Variants in TRAPPC9 observed in about 807,000 individuals in gnomAD.
TRAPPC9 encodes the protein IKK2 binding protein.
Under a neutral mutation model 124.0 loss-of-function variants are expected in TRAPPC9, and 83 were observed. The ratio of observed to expected loss-of-function variants is 0.67; its 90% confidence interval spans 0.56 to 0.80. The LOEUF is 0.80. Among genes scored for constraint, TRAPPC9 ranks in the 30% least tolerant of loss-of-function variants. The probability of loss-of-function intolerance (pLI) is 0.00; values close to 1 mark genes in which losing one functional copy is unlikely to be tolerated. For missense variants in TRAPPC9, 1,302 were observed against 1,508.3 expected (o/e 0.86, Z 2.27); for synonymous variants, 638 against 617.5 (o/e 1.03, Z -0.49).
At chr8:139,842,135 T>G (rs1317044855) in intron 21 of TRAPPC9, among the ~76,000 whole-genome samples, 2 of 152,242 alleles carry the variant, frequency 1.3e-5, no homozygotes, top group Non-Finnish European at 2.9e-5. Context: ...TGGCCACTGG[T>G]CAGAGCTGTG....
chr8:140,012,305 A>T (rs1418598480), intron 18 of TRAPPC9, among the ~76,000 whole-genome samples: 2 of 152,330 alleles, frequency 1.3e-5, no homozygotes, highest in African/African-American at 4.8e-5. Context: ...TCTTCCCTCC[A>T]CAAAATCAAG....
At chr8:139,874,076 C>A (rs1829169844) in intron 21 of TRAPPC9, among the ~76,000 whole-genome samples, 2 of 152,258 alleles carry the variant, frequency 1.3e-5, no homozygotes, top group Admixed American at 1.3e-4. Flanking sequence ...ACGCACGCTG[C>A]ACCAGTAAGG....
intron 21 of TRAPPC9, among the ~76,000 whole-genome samples, chr8:139,749,646 C>T (rs1819184113): frequency 6.6e-6 from 1 of 152,204 alleles, no homozygotes; most frequent in Admixed American, 6.5e-5. Flanking sequence ...GTTAAACAGA[C>T]TCTTGATGTG....
chr8:140,046,839 TAGCTCCACA>T (rs1841628206), intron 17 of TRAPPC9, among the ~76,000 whole-genome samples: 3 of 152,202 alleles, frequency 2.0e-5, no homozygotes, highest in Admixed American at 1.3e-4. Flanking sequence ...GTTCATATCT[TAGCTCCACA>T]AGCAACCAAC....
At position 139,731,056 on chromosome 8, in the gene TRAPPC9, C is replaced by T. The variant is rs764409094; in HGVS notation, c.*5G>A. The T allele has an allele frequency of 1.2e-5, 20 of 1,611,750 alleles. No individual in the cohort carries two copies. Among genetic ancestry groups the T allele is most frequent in the Admixed American group, 5.0e-5 (3 of 59,988 alleles). ...CTGCAGAAAGAGGGACGGAAGTAGG[C>T]GGGCTCAGGCCTGCGCCTCCAGGGC... On this transcript the variant is annotated 3_prime_UTR_variant, in exon 23 of 23. Transcript: ENST00000438773.
intron 17 of TRAPPC9, among the ~76,000 whole-genome samples, chr8:140,093,622 C>T (rs1317800819): frequency 2.0e-5 from 3 of 150,028 alleles, no homozygotes; most frequent in Non-Finnish European, 2.9e-5. Flanking sequence ...GAGCCAAGAT[C>T]GTGCCACTGC....
intron 14 of TRAPPC9, among the ~76,000 whole-genome samples, chr8:140,279,961 T>C (rs1329766591): frequency 6.6e-6 from 1 of 152,226 alleles, no homozygotes; most frequent in Non-Finnish European, 1.5e-5. Context: ...CCCGCCCTTT[T>C]GCTGGAGCGC....
chr8:140,005,673 G>C (rs1184193533), intron 18 of TRAPPC9, among the ~76,000 whole-genome samples: 4 of 152,096 alleles, frequency 2.6e-5, no homozygotes, highest in African/African-American at 9.7e-5. Context: ...CAGATTATGG[G>C]AAGTCTTGGG....
chr8:139,901,002 AAAAT>A (rs143982687), intron 20 of TRAPPC9, among the ~76,000 whole-genome samples: 5 of 124,452 alleles, frequency 4.0e-5, no homozygotes, highest in South Asian at 2.3e-4. Flanking sequence ...ATAAATAAAT[AAAAT>A]AAATAAATAA....
chr8:140,087,560 C>T lies in TRAPPC9; in HGVS notation c.2557-63481G>A, dbSNP rs1177754624. ...TCCTCCATCTCAGTAAATAAAACAA[C>T]CACCGTCCAGCTGCTCAGGCCAAAA... On this transcript the variant is annotated intron_variant, in intron 17 of 22. Transcript: ENST00000438773. This position sits in a 1 kb window ranked among gnomAD's most constrained non-coding sequence, Gnocchi z 4.6. Among the ~76,000 whole-genome samples the T allele has an allele frequency of 6.6e-6, 1 of 152,200 alleles. No homozygotes were observed. Among genetic ancestry groups the T allele is most frequent in the Non-Finnish European group, 1.5e-5 (1 of 68,030 alleles).
chr8:139,992,849 T>C (rs1298930542), intron 18 of TRAPPC9, among the ~76,000 whole-genome samples: 1 of 152,026 alleles, frequency 6.6e-6, no homozygotes, highest in Non-Finnish European at 1.5e-5. Context: ...AAAATGACTA[T>C]GCAGGTACAC....
chr8:140,368,629 C>T (rs562447379), intron 8 of TRAPPC9, among the ~76,000 whole-genome samples: 88 of 152,234 alleles, frequency 5.8e-4, no homozygotes, highest in African/African-American at 2.0e-3. Context: ...GTGCCCTCCC[C>T]AGACTGCAAA....
At chr8:140,086,973 T>C (rs1454958535) in intron 17 of TRAPPC9, among the ~76,000 whole-genome samples, 1 of 151,946 alleles carries the variant, frequency 6.6e-6, no homozygotes, top group Non-Finnish European at 1.5e-5. Flanking sequence ...CACACCTCCC[T>C]CCAGCCACCA....
intron 21 of TRAPPC9, among the ~76,000 whole-genome samples, chr8:139,733,569 G>A (rs945250682): frequency 1.2e-4 from 19 of 152,340 alleles, no homozygotes; most frequent in African/African-American, 2.9e-4. Flanking sequence ...CAAACTGCGT[G>A]GCCCTGGGAG....
chr8:139,859,206 C>T (rs1054511602), intron 21 of TRAPPC9, among the ~76,000 whole-genome samples: 5 of 152,030 alleles, frequency 3.3e-5, no homozygotes, highest in Admixed American at 1.3e-4. Context: ...TCTGATGCCA[C>T]GTGCCCCTGT....
intron 15 of TRAPPC9, among the ~76,000 whole-genome samples, chr8:140,271,920 T>G (rs952528723): frequency 6.6e-6 from 1 of 151,974 alleles, no homozygotes; most frequent in Non-Finnish European, 1.5e-5. Context: ...GTGGTGGTGG[T>G]AGTGATGGTG....
intron 12 of TRAPPC9, among the ~76,000 whole-genome samples, chr8:140,290,084 C>T (rs1237580846): frequency 6.6e-6 from 1 of 152,198 alleles, no homozygotes; most frequent in Admixed American, 6.5e-5. Context: ...CCGTCCACAA[C>T]AGGCCTGCAA....
At chr8:139,920,651 C>A (rs1234186685) in intron 19 of TRAPPC9, among the ~76,000 whole-genome samples, 1 of 152,196 alleles carries the variant, frequency 6.6e-6, no homozygotes, top group Non-Finnish European at 1.5e-5. Context: ...AGTTTCTCTG[C>A]CTTAGATGAC....
At chr8:139,968,722 G>T (rs1490407348) in intron 19 of TRAPPC9, among the ~76,000 whole-genome samples, 1 of 152,174 alleles carries the variant, frequency 6.6e-6, no homozygotes, top group African/African-American at 2.4e-5. Flanking sequence ...ACTACACCAG[G>T]TGCACAAGAG....
Sources: allele counts gnomAD v4.1 joint callset (sites outside exome capture counted in the v4.1 genomes callset), GRCh38; gene constraint gnomAD v4.1.1; non-coding constraint Gnocchi (gnomAD v3.1); transcripts MANE v1.5; gene names NCBI Gene and HGNC (gene_info 2026-07-23, HGNC 2026-07-21).